Variants in ZNF804B observed in about 807,000 individuals in gnomAD.
ZNF804B encodes the protein zinc finger protein 804B.
A neutral mutation model predicts 101.4 loss-of-function variants in ZNF804B; 80 were observed. The ratio of observed to expected loss-of-function variants is 0.79; its 90% confidence interval spans 0.66 to 0.95. The LOEUF is 0.95. ZNF804B is among the 40% of genes least tolerant of loss of function. The pLI is 0.00. For synonymous variants in ZNF804B, 622 were observed against 558.8 expected, an observed-to-expected ratio of 1.11 and a Z score of -1.59; for missense variants, 1,673 against 1,561.9, an observed-to-expected ratio of 1.07 and a Z score of -1.20.
chr7:89,272,542 G>C (rs920591061), intron 2 of ZNF804B, among the ~76,000 whole-genome samples: 5 of 152,066 alleles, frequency 3.3e-5, no homozygotes, highest in Admixed American at 2.0e-4. Flanking sequence ...TAATTGAAGT[G>C]AAATGCAGGG....
intron 1 of ZNF804B, among the ~76,000 whole-genome samples, chr7:89,051,596 A>G (rs1381162736): frequency 6.6e-6 from 1 of 152,152 alleles, no homozygotes; most frequent in Non-Finnish European, 1.5e-5. Context: ...CATGTCCACT[A>G]GTGAGATTTA....
At chr7:88,791,336 T>G (rs1022308322) in intron 1 of ZNF804B, among the ~76,000 whole-genome samples, 4 of 152,126 alleles carry the variant, frequency 2.6e-5, no homozygotes, top group Non-Finnish European at 5.9e-5. Flanking sequence ...TCTGATGTGT[T>G]CACAAAAATG....
intron 1 of ZNF804B, among the ~76,000 whole-genome samples, chr7:88,828,117 CA>C (rs1489988613): frequency 1.4e-4 from 22 of 152,226 alleles, no homozygotes; most frequent in African/African-American, 5.3e-4. Flanking sequence ...CTATGGCCTA[CA>C]AGGTCGTCAG....
intron 2 of ZNF804B, among the ~76,000 whole-genome samples, chr7:89,269,624 A>G (rs1789852706): frequency 6.6e-6 from 1 of 152,102 alleles, no homozygotes; most frequent in South Asian, 2.1e-4. Context: ...TTCTAGGTCC[A>G]TGAGGAATCG....
intron 1 of ZNF804B, among the ~76,000 whole-genome samples, chr7:89,038,659 A>C (rs768729435): frequency 9.9e-5 from 15 of 152,046 alleles, no homozygotes; most frequent in Non-Finnish European, 2.2e-4. Flanking sequence ...TGTGGAAGCT[A>C]TTCAGTTTGA....
At chr7:88,821,654 A>G (rs939247343) in intron 1 of ZNF804B, among the ~76,000 whole-genome samples, 5 of 152,166 alleles carry the variant, frequency 3.3e-5, no homozygotes, top group Non-Finnish European at 5.9e-5. Flanking sequence ...AAAGTCAAAC[A>G]TTCTTTTAGA....
At chr7:88,910,019 A>G (rs1202334300) in intron 1 of ZNF804B, among the ~76,000 whole-genome samples, 1 of 151,888 alleles carries the variant, frequency 6.6e-6, no homozygotes, top group Non-Finnish European at 1.5e-5. Flanking sequence ...CTAACTTAGA[A>G]CATAAAACAT....
chr7:89,333,706 A>G lies in ZNF804B; in HGVS notation c.724A>G (p.Thr242Ala), dbSNP rs777906157. ...TTCAGCATCAGTTTTCAGTGAGAAC[A>G]CAGAAGAAACCCATGATTGTAACAA... Reference protein sequence around the residue: ...ESSASVFSENTEETHDCNKSP... With the variant: ...ESSASVFSENAEETHDCNKSP... Residue 242 changes from threonine (T) to alanine (A), a missense_variant, in exon 4 of 4, where the codon ACA becomes GCA. Physicochemically the swap from Thr to Ala is moderately conservative, Grantham distance 58. Coordinates refer to ENST00000333190, the MANE Select transcript of ZNF804B (RefSeq NM_181646.5). 5 of 1,613,576 alleles carry G rather than the reference A, an allele frequency of 3.1e-6. No individual in the cohort carries two copies. The highest frequency in any genetic ancestry group is 4.2e-6 in the Non-Finnish European group (5 of 1,179,742).
chr7:88,769,308 C>T (rs1295674448), intron 1 of ZNF804B, among the ~76,000 whole-genome samples: 1 of 152,114 alleles, frequency 6.6e-6, no homozygotes, highest in African/African-American at 2.4e-5. Context: ...AGAATGCAGA[C>T]TATTCTACTG....
intron 1 of ZNF804B, among the ~76,000 whole-genome samples, chr7:89,132,473 C>T (rs1790568206): frequency 6.6e-6 from 1 of 151,954 alleles, no homozygotes; most frequent in South Asian, 2.1e-4. Context: ...AGGGAAGCAG[C>T]ATAGCACAGT....
intron 1 of ZNF804B, among the ~76,000 whole-genome samples, chr7:88,880,091 G>A (rs749791684): frequency 1.1e-4 from 17 of 151,580 alleles, no homozygotes; most frequent in Non-Finnish European, 2.5e-4. Context: ...AGTAATTAAC[G>A]AATAAAAGTT....
chr7:89,006,155 G>A (rs1788366905), intron 1 of ZNF804B, among the ~76,000 whole-genome samples: 1 of 151,768 alleles, frequency 6.6e-6, no homozygotes. Flanking sequence ...TCAAAGCAAG[G>A]GCATTTTTTT....
intron 2 of ZNF804B, among the ~76,000 whole-genome samples, chr7:89,309,538 G>T (rs1178386803): frequency 1.2e-4 from 19 of 152,056 alleles, no homozygotes; most frequent in Non-Finnish European, 4.4e-5. Flanking sequence ...AAAGCAGGCA[G>T]ATCACAATGT....
chr7:89,152,634 G>T (rs1218257742), intron 1 of ZNF804B, among the ~76,000 whole-genome samples: 2 of 151,992 alleles, frequency 1.3e-5, no homozygotes, highest in African/African-American at 4.8e-5. Flanking sequence ...ATAAATTTAT[G>T]TCATAATCAT....
Position 89,103,048 on chromosome 7 carries a change from GTTTTTTTTTT to G in ZNF804B, c.109-115081_109-115072del, listed in dbSNP as rs56693128. Among the ~76,000 whole-genome samples, 27 of 33,746 alleles carry G rather than the reference GTTTTTTTTTT, an allele frequency of 8.0e-4. 1 individual carries two copies. The highest frequency in any genetic ancestry group is 2.2e-3 in the Admixed American group (4 of 1,836). 22.1% of individuals were successfully genotyped at this position (33,746 alleles called of 152,430 possible). A position where few individuals can be genotyped will look rare whatever the true frequency, so the allele number is the denominator to read the frequency against. On this transcript the variant is annotated intron_variant, in intron 1 of 3. Transcript: ENST00000333190. ...TTCTATTCCATTGACCTATGTGTCT[GTTTTTTTTTT>G]TTTTTTTTTTTTTTTTTTTTTTTTT...
intron 2 of ZNF804B, among the ~76,000 whole-genome samples, chr7:89,234,797 G>A (rs1789255025): frequency 6.6e-6 from 1 of 152,096 alleles, no homozygotes; most frequent in African/African-American, 2.4e-5. Flanking sequence ...GGTCTCTCGG[G>A]TGTTCAGCCT....
chr7:89,083,051 A>G (rs1218288538), intron 1 of ZNF804B, among the ~76,000 whole-genome samples: 1 of 151,890 alleles, frequency 6.6e-6, no homozygotes, highest in Non-Finnish European at 1.5e-5. Flanking sequence ...TTCCAAGGGC[A>G]TTTTATTTTT....
chr7:89,046,837 C>T lies in ZNF804B; in HGVS notation c.109-171318C>T, dbSNP rs1245808185. ...AGAGAGTGATTCTGATGCAAGTATA[C>T]CCATAAATAGAATATAATCAATTAT... On this transcript the variant is annotated intron_variant, in intron 1 of 3. Transcript: ENST00000333190. 3.3e-5 allele frequency among the ~76,000 whole-genome samples: 5 copies of T among 151,928 alleles called. No individual in the cohort carries two copies. In the East Asian group the frequency reaches 9.7e-4, roughly 29 times the overall value.
At chr7:88,876,913 A>G (rs1447443237) in intron 1 of ZNF804B, among the ~76,000 whole-genome samples, 2 of 148,640 alleles carry the variant, frequency 1.3e-5, no homozygotes, top group African/African-American at 2.5e-5. Flanking sequence ...TGAATTAAAA[A>G]TAAGTAATAA....
Sources: allele counts gnomAD v4.1 joint callset (sites outside exome capture counted in the v4.1 genomes callset), GRCh38; gene constraint gnomAD v4.1.1; transcripts MANE v1.5; gene names NCBI Gene and HGNC (gene_info 2026-07-23, HGNC 2026-07-21).